EVX2: variants seen among roughly 807,000 people sequenced by gnomAD.
EVX2 encodes even-skipped homeobox 2.
In EVX2, 10 loss-of-function variants were observed where a neutral mutation model predicts 19.2. The ratio of observed to expected loss-of-function variants is 0.52; its 90% CI spans 0.32 to 0.89. EVX2 has a LOEUF of 0.89. EVX2 is among the 40% of genes least tolerant of loss of function. The pLI, the probability that EVX2 is intolerant of heterozygous loss-of-function variation, is 0.03. For missense variants in EVX2, 710 were observed against 694.9 expected, an observed-to-expected ratio of 1.02 and a Z score of -0.24; for synonymous variants, 354 against 328.4, an observed-to-expected ratio of 1.08 and a Z score of -0.84.
In EVX2 at chr2:176,080,308, AC is replaced by A; in HGVS notation, c.1229del (p.Gly410ValfsTer54). 1 of 1,316,014 alleles carries A rather than the reference AC, an allele frequency of 7.6e-7. No individual in the cohort carries two copies. Among genetic ancestry groups the A allele is most frequent in the Non-Finnish European group, 9.7e-7 (1 of 1,026,016 alleles). The allele number at this position is 1,316,014 out of a possible 1,614,324, so 81.5% of individuals were successfully genotyped here. A position where few individuals can be genotyped will look rare whatever the true frequency, so the allele number is the denominator to read the frequency against. On this transcript the variant is annotated frameshift_variant, in exon 3 of 3. Coordinates refer to ENST00000308618, the MANE Select transcript of EVX2 (RefSeq NM_001080458.2). LOFTEE classifies it high-confidence loss of function. The surrounding 1 kb of genome is among the most constrained non-coding windows in gnomAD (Gnocchi z 7.0). ...AAAAAAAAAL[G>X]SRGGGGGGGG... Reference sequence around the variant, plus strand: ...CGCCGCCGCCACCGCCACCCCGGGAACCCAGGGCTGCGGCAGCTGCTGCCGC... The same window carrying A: ...CGCCGCCGCCACCGCCACCCCGGGAACCAGGGCTGCGGCAGCTGCTGCCGC...
chr2:176,082,370 G>T lies in EVX2; in HGVS notation c.507C>A (p.Ser169Arg), dbSNP rs1689160645. The T allele has an allele frequency of 6.2e-7, 1 of 1,603,340 alleles. No homozygotes were observed. The highest frequency in any genetic ancestry group is 1.3e-5 in the African/African-American group (1 of 74,786). The stretch of plus-strand genomic sequence containing the variant: ...GCGCCGCGCTCCCGCCGCTGCCTCC[G>T]CTGCCTCCATGCAGGCTTCCGAGGC... The part of the protein sequence containing the change: ...GSGLGSLHGG[S>R]GGSGGSAALG... Residue 169 changes from serine (S) to arginine (R), a missense_variant, in exon 2 of 3, where the codon AGC becomes AGA. Ser to Arg is a moderately radical substitution (Grantham distance 110, BLOSUM62 -1). Coordinates refer to ENST00000308618, the MANE Select transcript of EVX2 (RefSeq NM_001080458.2). This position sits in a 1 kb window ranked among gnomAD's most constrained non-coding sequence, Gnocchi z 5.2.
Position 176,082,202 on chromosome 2 carries a change from G to T in EVX2, c.675C>A (p.Leu225=). The part of the protein sequence containing the change: ...RPRRCELAAA[L]NLPETTIKVW... ...CCTTGATGGTGGTTTCGGGCAGGTT[G>T]AGTGCCGCGGCCAGCTCGCACCGGC... Residue 225 remains leucine, a synonymous_variant, in exon 2 of 3, where the codon CTC becomes CTA. Coordinates refer to ENST00000308618, the MANE Select transcript of EVX2 (RefSeq NM_001080458.2). The surrounding 1 kb of genome is among the most constrained non-coding windows in gnomAD (Gnocchi z 5.2). 1 of 1,597,978 alleles carries T rather than the reference G, an allele frequency of 6.3e-7. No homozygotes were observed.
Position 176,083,231 on chromosome 2 carries a change from T to C in EVX2, c.427+119A>G. On this transcript the variant is annotated intron_variant, in intron 1 of 2. Transcript: ENST00000308618. The surrounding 1 kb of genome is among the most constrained non-coding windows in gnomAD (Gnocchi z 4.4). The stretch of plus-strand genomic sequence containing the variant: ...GCGTCCCGCCCCCGCCCGTGCTAGC[T>C]CGGTGTAGCTTGCCTGTGGAGGGTC... 4 of 1,065,404 alleles carry C rather than the reference T, an allele frequency of 3.8e-6. No homozygotes were observed. Among genetic ancestry groups the C allele is most frequent in the Non-Finnish European group, 5.4e-6 (4 of 745,840 alleles). 66.0% of individuals were successfully genotyped at this position (1,065,404 alleles called of 1,614,324 possible).
chr2:176,083,401 G>A lies in EVX2; in HGVS notation c.376C>T (p.Arg126Cys), dbSNP rs1559103766. ...SDVEVGCSAL[R>C]SPGGLGAAQL... ...GCGGCGCCGAGGCCCCCGGGGGAGC[G>A]AAGCGCGGAGCAGCCCACCTCCACG... The change falls in exon 1 of 3, where the codon CGC (arginine) becomes TGC (cysteine). Residue 126 changes from arginine to cysteine, a missense_variant. Transcript: ENST00000308618. This position sits in a 1 kb window ranked among gnomAD's most constrained non-coding sequence, Gnocchi z 4.4. 6.2e-7 allele frequency: 1 copy of A among 1,612,674 alleles called. No homozygotes were observed. Among genetic ancestry groups the A allele is most frequent in the South Asian group, 1.1e-5 (1 of 90,904 alleles).
rs886466774 is a variant in EVX2, at chr2:176,082,991, G to A, written c.427+359C>T. On this transcript the variant is annotated intron_variant, in intron 1 of 2. Coordinates refer to ENST00000308618, the MANE Select transcript of EVX2 (RefSeq NM_001080458.2). The surrounding 1 kb of genome is among the most constrained non-coding windows in gnomAD (Gnocchi z 5.2). ...TCCAGCCCTGAGGGCACAGGGGCAG[G>A]GGAGTTCAGAGTAGTTGCCCAGGGT... Among the ~76,000 whole-genome samples, 9 of 152,238 alleles carry A rather than the reference G, an allele frequency of 5.9e-5. No individual in the cohort carries two copies. Among genetic ancestry groups the A allele is most frequent in the Non-Finnish European group, 1.3e-4 (9 of 68,042 alleles).
rs555679342 is a variant in EVX2, at chr2:176,082,825, A to C, written c.428-376T>G. Among the ~76,000 whole-genome samples, 4 of 152,320 alleles carry C rather than the reference A, an allele frequency of 2.6e-5. No homozygotes were observed. The East Asian group carries it at 7.7e-4, about 29-fold the overall frequency. On this transcript the variant is annotated intron_variant, in intron 1 of 2. Coordinates refer to ENST00000308618, the MANE Select transcript of EVX2 (RefSeq NM_001080458.2). This position sits in a 1 kb window ranked among gnomAD's most constrained non-coding sequence, Gnocchi z 5.2. ...CCTTTATCTGAGTCTTCGGGGTTTC[A>C]AATATTTTAAGAGTTCCAACACAGC...
chr2:176,080,305 G>A lies in EVX2; in HGVS notation c.1233C>T (p.Ser411=). 2.3e-6 allele frequency: 3 copies of A among 1,321,802 alleles called. No homozygotes were observed. The highest frequency in any genetic ancestry group is 1.9e-6 in the Non-Finnish European group (2 of 1,029,896). 81.9% of individuals were successfully genotyped at this position (1,321,802 alleles called of 1,614,324 possible). A position where few individuals can be genotyped will look rare whatever the true frequency, so the allele number is the denominator to read the frequency against. ...AAAAAAAALG[S]RGGGGGGGGG... ...CACCGCCGCCGCCACCGCCACCCCG[G>A]GAACCCAGGGCTGCGGCAGCTGCTG... The change falls in exon 3 of 3, where the codon TCC becomes TCT. Residue 411 remains serine (S), a synonymous_variant. Transcript: ENST00000308618. This position sits in a 1 kb window ranked among gnomAD's most constrained non-coding sequence, Gnocchi z 7.0.
Position 176,079,553 on chromosome 2 carries a change from G to T in EVX2, c.*554C>A, listed in dbSNP as rs1331974044. Reference sequence around the variant, plus strand: ...CGTTCTCCCGCACTCTTCGGGCAGGGTCCCTAATAAGCTCAGGCTGAAAGA... The same window carrying T: ...CGTTCTCCCGCACTCTTCGGGCAGGTTCCCTAATAAGCTCAGGCTGAAAGA... On this transcript the variant is annotated 3_prime_UTR_variant, in exon 3 of 3. Transcript: ENST00000308618. This position sits in a 1 kb window ranked among gnomAD's most constrained non-coding sequence, Gnocchi z 4.4. 1 of 152,344 alleles carries T rather than the reference G, an allele frequency of 6.6e-6. No individual in the cohort carries two copies. Among genetic ancestry groups the T allele is most frequent in the East Asian group, 1.9e-4 (1 of 5,180 alleles). The allele number at this position is 152,344 out of a possible 1,614,324, so 9.4% of individuals were successfully genotyped here. A position where few individuals can be genotyped will look rare whatever the true frequency, so the allele number is the denominator to read the frequency against.
In EVX2 at chr2:176,080,749, G is replaced by A; in HGVS notation, c.789C>T (p.Tyr263=). The part of the protein sequence containing the change: ...PHPADPSFYT[Y]MMTHAAATGS... ...CGGTGGCGGCCGCGTGCGTCATCAT[G>A]TAGGTGTAGAAGCTGGGGTCGGCTG... The change falls in exon 3 of 3, where the codon TAC becomes TAT. Residue 263 remains tyrosine, a synonymous_variant. Coordinates refer to ENST00000308618, the MANE Select transcript of EVX2 (RefSeq NM_001080458.2). This position sits in a 1 kb window ranked among gnomAD's most constrained non-coding sequence, Gnocchi z 7.0. 1.2e-6 allele frequency: 2 copies of A among 1,610,806 alleles called. No homozygotes were observed. Among genetic ancestry groups the A allele is most frequent in the Non-Finnish European group, 1.7e-6 (2 of 1,179,818 alleles).
At position 176,079,969 on chromosome 2, in the gene EVX2, T is replaced by C. The variant is rs1373232941; in HGVS notation, c.*138A>G. On this transcript the variant is annotated 3_prime_UTR_variant, in exon 3 of 3. Transcript: ENST00000308618. The surrounding 1 kb of genome is among the most constrained non-coding windows in gnomAD (Gnocchi z 4.4). ...CTCCCCCAATTCGGAGCAGGTTCCC[T>C]TCGGCCTCCCGCGCCCCGGGGCGCC... 5 of 963,984 alleles carry C rather than the reference T, an allele frequency of 5.2e-6. No homozygotes were observed. The highest frequency in any genetic ancestry group is 3.7e-4 in the Middle Eastern group (1 of 2,680). The allele number at this position is 963,984 out of a possible 1,614,324, so 59.7% of individuals were successfully genotyped here.
Position 176,082,008 on chromosome 2 carries a change from C to A in EVX2, c.699+170G>T, listed in dbSNP as rs1311878524. On this transcript the variant is annotated intron_variant, in intron 2 of 2. Coordinates refer to ENST00000308618, the MANE Select transcript of EVX2 (RefSeq NM_001080458.2). This position sits in a 1 kb window ranked among gnomAD's most constrained non-coding sequence, Gnocchi z 5.2. ...AGATCCGTCAGGCCGGACAACCGTT[C>A]GGATTCGGTGGCCGGGAAATAAATA... Among the ~76,000 whole-genome samples the A allele has an allele frequency of 6.6e-6, 1 of 152,204 alleles. No individual in the cohort carries two copies. Among genetic ancestry groups the A allele is most frequent in the Non-Finnish European group, 1.5e-5 (1 of 68,042 alleles).
chr2:176,083,493 GCGGAGGAGATTT>G lies in EVX2; in HGVS notation c.272_283del (p.Glu91_Ser94del). 1 of 1,614,226 alleles carries G rather than the reference GCGGAGGAGATTT, an allele frequency of 6.2e-7. No individual in the cohort carries two copies. Among genetic ancestry groups the G allele is most frequent in the Non-Finnish European group, 8.5e-7 (1 of 1,180,050 alleles). On this transcript the variant is annotated inframe_deletion, in exon 1 of 3. Transcript: ENST00000308618. The surrounding 1 kb of genome is among the most constrained non-coding windows in gnomAD (Gnocchi z 4.4). ...GCCCGGCTTCTTGCGGCTCTCGGCG[GCGGAGGAGATTT>G]CGGAGGAGACGGTGCTTTCGCTGCC...
At position 176,079,163 on chromosome 2, in the gene EVX2, T is replaced by A. The variant is rs1449565532; in HGVS notation, c.*944A>T. 1 of 152,238 alleles carries A rather than the reference T, an allele frequency of 6.6e-6. No homozygotes were observed. The highest frequency in any genetic ancestry group is 6.5e-5 in the Admixed American group (1 of 15,284). The allele number at this position is 152,238 out of a possible 1,614,324, so 9.4% of individuals were successfully genotyped here. A position where few individuals can be genotyped will look rare whatever the true frequency, so the allele number is the denominator to read the frequency against. ...ATTTCCCAGATCGAGTGGAACCCGG[T>A]AGTTGGAAAACTGAGCTGAAAACGC... On this transcript the variant is annotated 3_prime_UTR_variant, in exon 3 of 3. Coordinates refer to ENST00000308618, the MANE Select transcript of EVX2 (RefSeq NM_001080458.2). The surrounding 1 kb of genome is among the most constrained non-coding windows in gnomAD (Gnocchi z 4.4).
chr2:176,080,829 G>A lies in EVX2; in HGVS notation c.709C>T (p.Gln237Ter), dbSNP rs1296906491. The change falls in exon 3 of 3, where the codon CAG (glutamine) becomes TAG (stop). Residue 237 changes from glutamine (Q) to a stop codon, truncating the protein, a stop_gained. Transcript: ENST00000308618. LOFTEE classifies it high-confidence loss of function. This position sits in a 1 kb window ranked among gnomAD's most constrained non-coding sequence, Gnocchi z 7.0. ...LPETTIKVWFQNRRMKDKRQR... is the reference protein window; with the variant it reads ...LPETTIKVWF ...CGCTTGTCCTTCATGCGCCGGTTCT[G>A]GAACCACACCTGCGGGGAGAGACGC... The A allele has an allele frequency of 6.2e-7, 1 of 1,611,442 alleles. No individual in the cohort carries two copies. Among genetic ancestry groups the A allele is most frequent in the Non-Finnish European group, 8.5e-7 (1 of 1,179,364 alleles).
rs1689161934 is a variant in EVX2 at position 176,082,422 on chromosome 2, C to T, written c.455G>A (p.Gly152Asp). The change falls in exon 2 of 3, where the codon GGC becomes GAC. Residue 152 changes from glycine to aspartate, a missense_variant. Physicochemically the swap from Gly to Asp is moderately conservative, Grantham distance 94. Transcript: ENST00000308618. The surrounding 1 kb of genome is among the most constrained non-coding windows in gnomAD (Gnocchi z 5.2). ...TGAGCCCGACGCCGACGTCGTGGTGCCGGCAGCCGAGCCGCTCTCTGCGTA... is the reference window on the plus strand; with the variant it reads ...TGAGCCCGACGCCGACGTCGTGGTGTCGGCAGCCGAGCCGCTCTCTGCGTA... Reference protein sequence around the residue: ...KGYAESGSAAGTTTSASGSGL... With the variant: ...KGYAESGSAADTTTSASGSGL... 1 of 1,567,182 alleles carries T rather than the reference C, an allele frequency of 6.4e-7. No homozygotes were observed. Among genetic ancestry groups the T allele is most frequent in the South Asian group, 1.2e-5 (1 of 83,674 alleles).
Position 176,081,664 on chromosome 2 carries a change from T to C in EVX2, c.699+514A>G, listed in dbSNP as rs561750998. Among the ~76,000 whole-genome samples the C allele has an allele frequency of 2.6e-5, 4 of 152,310 alleles. No individual in the cohort carries two copies. The East Asian group carries it at 7.7e-4, about 29-fold the overall frequency. On this transcript the variant is annotated intron_variant, in intron 2 of 2. Coordinates refer to ENST00000308618, the MANE Select transcript of EVX2 (RefSeq NM_001080458.2). The surrounding 1 kb of genome is among the most constrained non-coding windows in gnomAD (Gnocchi z 5.9). ...AATAAGGACAATTTCGTTGCATTTT[T>C]CCCCGCAGGAGGTTGCCCTTTTTTC...
chr2:176,080,267 C>CCGCCGA lies in EVX2; in HGVS notation c.1270_1271insTCGGCG (p.Gly423_Gly424insValGly), dbSNP rs1689116659. 7 of 1,313,534 alleles carry CCGCCGA rather than the reference C, an allele frequency of 5.3e-6. No homozygotes were observed. Among genetic ancestry groups the CCGCCGA allele is most frequent in the Non-Finnish European group, 6.8e-6 (7 of 1,033,594 alleles). 81.4% of individuals were successfully genotyped at this position (1,313,534 alleles called of 1,614,324 possible). ...CCCGGCCCCGGCGCCCCCGCCGCCG[C>CCGCCGA]CGCCACCACCACCACCGCCGCCGCC... On this transcript the variant is annotated inframe_insertion, in exon 3 of 3. Coordinates refer to ENST00000308618, the MANE Select transcript of EVX2 (RefSeq NM_001080458.2). The surrounding 1 kb of genome is among the most constrained non-coding windows in gnomAD (Gnocchi z 7.0).
rs909127346 is a variant in EVX2, at chr2:176,081,886, C to T, written c.699+292G>A. On this transcript the variant is annotated intron_variant, in intron 2 of 2. Transcript: ENST00000308618. The surrounding 1 kb of genome is among the most constrained non-coding windows in gnomAD (Gnocchi z 5.9). ...CTTGCCGCCTAGGGGAAAGTGGGGC[C>T]GTGGGTATGGGCGAGGGGGCATCTG... Among the ~76,000 whole-genome samples the T allele has an allele frequency of 1.3e-5, 2 of 152,132 alleles. No individual in the cohort carries two copies. The highest frequency in any genetic ancestry group is 2.4e-5 in the African/African-American group (1 of 41,422).
rs756490658 is a variant in EVX2 at position 176,080,110 on chromosome 2, T to C, written c.1428A>G (p.Arg476=). ...PDQRDEAPLT[R] is the part of the protein sequence containing the mutation. The stretch of plus-strand genomic sequence containing the variant: ...CCCCCTGGCGGTGGCGACGTAGTTA[T>C]CTGGTGAGCGGAGCCTCGTCCCTCT... The change falls in exon 3 of 3, where the codon AGA becomes AGG. Residue 476 remains arginine (R), a synonymous_variant. Transcript: ENST00000308618. This position sits in a 1 kb window ranked among gnomAD's most constrained non-coding sequence, Gnocchi z 7.0. The C allele has an allele frequency of 7.8e-6, 12 of 1,541,214 alleles. No homozygotes were observed. Among genetic ancestry groups the C allele is most frequent in the South Asian group, 3.6e-5 (3 of 83,012 alleles).
Sources: gnomAD v4.1 joint callset for allele counts (sites outside exome capture counted in the v4.1 genomes callset) on GRCh38, gnomAD v4.1.1 for gene constraint, Gnocchi (gnomAD v3.1) non-coding constraint, MANE v1.5 for transcripts, NCBI Gene and HGNC (gene_info 2026-07-23, HGNC 2026-07-21) for gene names.